The following NRG3 variants were observed in gnomAD, a reference collection of about 807,000 sequenced individuals.
NRG3 encodes the protein neuregulin 3.
In NRG3, 31 loss-of-function variants were observed where a neutral mutation model predicts 66.9. The observed-to-expected ratio is 0.46, with a 90% confidence interval of 0.35 to 0.63. NRG3 has a LOEUF of 0.63. NRG3 is among the 20% of genes least tolerant of loss of function. The pLI is 0.00. For synonymous variants in NRG3, 393 were observed against 359.4 expected (o/e 1.09, Z -1.06); for missense variants, 910 against 878.9 (o/e 1.04, Z -0.45).
intron 1 of NRG3, among the ~76,000 whole-genome samples, chr10:82,111,980 T>C (rs1275401044): frequency 6.6e-6 from 1 of 152,140 alleles, no homozygotes; most frequent in Non-Finnish European, 1.5e-5. Context: ...TGGTGGCTCA[T>C]GGCTGTAATC....
intron 2 of NRG3, among the ~76,000 whole-genome samples, chr10:82,483,929 T>A (rs1482056047): frequency 6.6e-6 from 1 of 152,258 alleles, no homozygotes; most frequent in Non-Finnish European, 1.5e-5. Context: ...AAATGCTATA[T>A]GCATTAGATT....
chr10:82,929,875 CAAA>C (rs560959914), intron 4 of NRG3, among the ~76,000 whole-genome samples: 5 of 79,456 alleles, frequency 6.3e-5, no homozygotes, highest in Non-Finnish European at 8.4e-5. Context: ...GACTCCATCT[CAAA>C]AAAAAAAAAA....
chr10:82,667,876 C>T (rs2052927788), intron 2 of NRG3, among the ~76,000 whole-genome samples: 1 of 152,184 alleles, frequency 6.6e-6, no homozygotes, highest in African/African-American at 2.4e-5. Context: ...TGTATGCATA[C>T]ACCCACAGGC....
chr10:82,961,654 G>C (rs1159886349), intron 6 of NRG3, among the ~76,000 whole-genome samples: 2 of 152,176 alleles, frequency 1.3e-5, no homozygotes, highest in East Asian at 3.9e-4. Context: ...GTGGGTAGCG[G>C]TCATTGGCGC....
chr10:82,495,811 GACACACACAC>G (rs55671097), intron 2 of NRG3, among the ~76,000 whole-genome samples: 1 of 144,788 alleles, frequency 6.9e-6, no homozygotes, highest in Non-Finnish European at 1.5e-5. Flanking sequence ...TTAGAGTGCA[GACACACACAC>G]ACACACACAC....
intron 1 of NRG3, among the ~76,000 whole-genome samples, chr10:82,261,580 C>G (rs2078034211): frequency 6.6e-6 from 1 of 152,088 alleles, no homozygotes; most frequent in Non-Finnish European, 1.5e-5. Context: ...GAGCTGAGAG[C>G]CCCAAAGAGA....
At chr10:82,832,804 T>TTGTG (rs139438548) in intron 3 of NRG3, among the ~76,000 whole-genome samples, 44,440 of 147,846 alleles carry the variant, frequency 0.3, 6,515 homozygotes, top group Admixed American at 0.34. Context: ...ATGCATGTAA[T>TTGTG]TGTGTGTGTG....
At chr10:82,324,768 C>A (rs1267053565) in intron 1 of NRG3, among the ~76,000 whole-genome samples, 1 of 152,192 alleles carries the variant, frequency 6.6e-6, no homozygotes, top group African/African-American at 2.4e-5. Flanking sequence ...GTGTTCAGAG[C>A]ACATGCATTG....
intron 2 of NRG3, among the ~76,000 whole-genome samples, chr10:82,491,316 A>ATATATATATATATATGT (rs1389375279): frequency 2.9e-5 from 4 of 136,816 alleles, no homozygotes; most frequent in Admixed American, 7.5e-5. Flanking sequence ...ATATATATAT[A>ATATATATATATATATGT]AAATAAAGAT....
chr10:82,670,960 C>G (rs1476428134), intron 2 of NRG3, among the ~76,000 whole-genome samples: 2 of 152,118 alleles, frequency 1.3e-5, no homozygotes, highest in African/African-American at 2.4e-5. Context: ...AGAGATGAAC[C>G]CTGAAGCCTG....
intron 3 of NRG3, among the ~76,000 whole-genome samples, chr10:82,802,719 C>G (rs976554466): frequency 6.6e-6 from 1 of 151,920 alleles, no homozygotes; most frequent in Admixed American, 6.6e-5. Flanking sequence ...GTGGCCTGAT[C>G]ACGGCTCACT....
chr10:82,010,677 C>T (rs17727192), intron 1 of NRG3, among the ~76,000 whole-genome samples: 5,649 of 152,282 alleles, frequency 0.037, 136 homozygotes, highest in Non-Finnish European at 0.052. Flanking sequence ...TCCTGAATTA[C>T]AAGGCACAGA....
At chr10:82,083,665 G>A (rs2065533643) in intron 1 of NRG3, among the ~76,000 whole-genome samples, 1 of 149,730 alleles carries the variant, frequency 6.7e-6, no homozygotes, top group African/African-American at 2.5e-5. Flanking sequence ...TGCGATCTCG[G>A]CCCACCACAA....
chr10:82,561,242 G>T (rs934911632), intron 2 of NRG3, among the ~76,000 whole-genome samples: 4 of 152,140 alleles, frequency 2.6e-5, no homozygotes, highest in African/African-American at 4.8e-5. Context: ...TCATTTACTT[G>T]CACCTTCCAC....
chr10:81,881,903 A>G (rs1018655981), intron 1 of NRG3, among the ~76,000 whole-genome samples: 7 of 152,094 alleles, frequency 4.6e-5, no homozygotes, highest in African/African-American at 1.7e-4. Context: ...TATAAATACA[A>G]TAATAAACCC....
At chr10:82,300,216 A>G (rs1388370017) in intron 1 of NRG3, among the ~76,000 whole-genome samples, 1 of 147,622 alleles carries the variant, frequency 6.8e-6, no homozygotes, top group African/African-American at 2.6e-5. Context: ...GGTGAAATTG[A>G]TATGCTGTCC....
At chr10:82,872,354 C>T (rs1841414325) in intron 4 of NRG3, among the ~76,000 whole-genome samples, 2 of 152,088 alleles carry the variant, frequency 1.3e-5, no homozygotes, top group Admixed American at 6.6e-5. Flanking sequence ...ATATGACTTT[C>T]ATTTATTCTT....
chr10:82,619,711 G>T (rs1444980617), intron 2 of NRG3, among the ~76,000 whole-genome samples: 1 of 152,154 alleles, frequency 6.6e-6, no homozygotes, highest in Non-Finnish European at 1.5e-5. Context: ...TTATGAGGGT[G>T]AGCCCTAATC....
At chr10:82,618,505 G>A (rs1445947705) in intron 2 of NRG3, among the ~76,000 whole-genome samples, 1 of 152,074 alleles carries the variant, frequency 6.6e-6, no homozygotes, top group Non-Finnish European at 1.5e-5. Context: ...TCTATCCTGA[G>A]TCAAACCAAT....
Sources: allele counts gnomAD v4.1 joint callset (sites outside exome capture counted in the v4.1 genomes callset), GRCh38; gene constraint gnomAD v4.1.1; transcripts MANE v1.5; gene names NCBI Gene and HGNC (gene_info 2026-07-23, HGNC 2026-07-21).